Variants in ZDHHC5 observed in about 807,000 individuals in gnomAD.
ZDHHC5 encodes palmitoyltransferase ZDHHC5.
In ZDHHC5, 22 loss-of-function variants were observed where a neutral mutation model predicts 70.0. The observed-to-expected ratio is 0.31, with a 90% confidence interval of 0.22 to 0.45. The LOEUF (loss-of-function observed/expected upper bound fraction) is 0.45. Ranked by LOEUF, ZDHHC5 falls within the 20% of genes least tolerant of loss-of-function variation. The pLI is 1.00. For missense variants in ZDHHC5, 746 were observed against 926.9 expected (o/e 0.80, Z 2.53); for synonymous variants, 313 against 347.8 (o/e 0.90, Z 1.11).
chr11:57,691,440 G>A (rs573764429), intron 6 of ZDHHC5, among the ~76,000 whole-genome samples: 2 of 151,942 alleles, frequency 1.3e-5, no homozygotes, highest in South Asian at 2.1e-4. Flanking sequence ...CTCGTGATCC[G>A]CCCACCTCGG....
At chr11:57,699,723 G>C (rs1946414864) in intron 11 of ZDHHC5, 143 bp from the exon 12 acceptor site, 2 of 1,141,876 alleles carry the variant, frequency 1.8e-6, no homozygotes, top group Non-Finnish European at 2.5e-6. Flanking sequence ...ATTTTAAGCA[G>C]GGCAATAAAG....
intron 7 of ZDHHC5, among the ~76,000 whole-genome samples, chr11:57,693,244 T>C (rs1590869094): frequency 6.6e-6 from 1 of 152,036 alleles, no homozygotes; most frequent in South Asian, 2.1e-4. Context: ...GAGGCAGAGG[T>C]TGCAGTGAGC....
In ZDHHC5 at chr11:57,682,514, C is replaced by T. The variant is rs1296630954; in HGVS notation, c.197C>T (p.Thr66Ile). The change falls in exon 3 of 12, where the codon ACC becomes ATC. Residue 66 changes from threonine (T) to isoleucine (I), a missense_variant. Physicochemically the swap from Thr to Ile is moderately conservative, Grantham distance 89. Transcript: ENST00000287169. ...LFVLANFSMA[T>I]FMDPGIFPRA... ...GTGTTGGCCAACTTCAGCATGGCCA[C>T]CTTCATGGACCCAGGGATTTTCCCT... is the stretch of plus-strand genomic sequence containing the variant. 1 of 1,614,124 alleles carries T rather than the reference C, an allele frequency of 6.2e-7. No homozygotes were observed. Among genetic ancestry groups the T allele is most frequent in the Non-Finnish European group, 8.5e-7 (1 of 1,180,016 alleles).
intron 3 of ZDHHC5, among the ~76,000 whole-genome samples, chr11:57,684,458 G>A (rs1258041051): frequency 1.4e-4 from 22 of 152,192 alleles, no homozygotes; most frequent in Non-Finnish European, 3.2e-4. Context: ...GGTGGCACAT[G>A]CCTGTAATCC....
Position 57,696,960 on chromosome 11 carries a change from C to A in ZDHHC5, c.1122+87C>A, listed in dbSNP as rs546046434. The stretch of plus-strand genomic sequence containing the variant: ...TCCTGTAATCCCAGCACTTTGGGAG[C>A]CCAAGGTGGGTGGATCACAAGGTCA... On this transcript the variant is annotated intron_variant, in intron 10 of 11. Transcript: ENST00000287169. 6.2e-5 allele frequency: 84 copies of A among 1,346,440 alleles called. No homozygotes were observed. In the African/African-American group the frequency reaches 1.1e-3, roughly 17 times the overall value. 83.4% of individuals were successfully genotyped at this position (1,346,440 alleles called of 1,614,324 possible).
intron 2 of ZDHHC5, chr11:57,681,463 C>G (rs1395327038): frequency 1.3e-5 from 2 of 152,166 alleles, no homozygotes; most frequent in Non-Finnish European, 2.9e-5. Context: ...GTGGGAACTT[C>G]TCCCTGAGCT....
chr11:57,680,318 A>G (rs1946133580), intron 2 of ZDHHC5, among the ~76,000 whole-genome samples: 1 of 152,206 alleles, frequency 6.6e-6, no homozygotes, highest in Admixed American at 6.5e-5. Flanking sequence ...TTGAGGCTGC[A>G]GTGAGCTGTG....
intron 3 of ZDHHC5, among the ~76,000 whole-genome samples, chr11:57,686,918 C>T (rs1205052616): frequency 6.6e-6 from 1 of 151,332 alleles, no homozygotes; most frequent in Admixed American, 6.6e-5. Flanking sequence ...GCAACCTCTG[C>T]CTCCCAGATT....
chr11:57,698,611 G>T lies in ZDHHC5; in HGVS notation c.1175G>T (p.Arg392Leu), dbSNP rs149239636. The part of the protein sequence containing the change: ...KEPTSIAESS[R>L]HPSYRSEPSL... ...CCAACCTCAATTGCAGAGAGCAGCC[G>T]TCACCCCAGCTACCGCTCAGAGCCC... Residue 392 changes from arginine to leucine, a missense_variant, in exon 11 of 12, where the codon CGT becomes CTT. Coordinates refer to ENST00000287169, the MANE Select transcript of ZDHHC5 (RefSeq NM_015457.3). 114 of 1,613,716 alleles carry T rather than the reference G, an allele frequency of 7.1e-5. No individual in the cohort carries two copies. The highest frequency in any genetic ancestry group is 9.0e-5 in the Non-Finnish European group (106 of 1,179,854).
Position 57,672,157 on chromosome 11 carries a change from T to A in ZDHHC5, c.-934T>A, listed in dbSNP as rs889437645. 5.0e-6 allele frequency: 2 copies of A among 398,210 alleles called. No individual in the cohort carries two copies. Among genetic ancestry groups the A allele is most frequent in the African/African-American group, 4.1e-5 (2 of 48,638 alleles). The allele number at this position is 398,210 out of a possible 1,614,324, so 24.7% of individuals were successfully genotyped here. On this transcript the variant is annotated 5_prime_UTR_variant, in exon 2 of 12. Transcript: ENST00000287169. ...TCCACAGTAAACTTTTGAAGTGTCA[T>A]CAATTGGAATTGATTTCTTCATCTT... is the stretch of plus-strand genomic sequence containing the variant.
chr11:57,682,397 C>T (rs757016461), intron 2 of ZDHHC5, 25 bp from the exon 3 acceptor site: 6 of 1,592,978 alleles, frequency 3.8e-6, no homozygotes, highest in Non-Finnish European at 3.4e-6. Flanking sequence ...GAGGCAACCC[C>T]TCATTTTCTT....
chr11:57,688,781 C>T, intron 4 of ZDHHC5, 116 bp downstream of exon 4: 1 of 1,147,174 alleles, frequency 8.7e-7, no homozygotes, highest in South Asian at 2.2e-5. Context: ...ACGTTGGCCA[C>T]ATGGTCCAGC....
intron 6 of ZDHHC5, among the ~76,000 whole-genome samples, chr11:57,691,685 C>G (rs562163592): frequency 6.6e-6 from 1 of 151,784 alleles, no homozygotes; most frequent in Non-Finnish European, 1.5e-5. Flanking sequence ...TAATAGTATT[C>G]TTTCTTTAGT....
Position 57,672,066 on chromosome 11 carries a change from G to A in ZDHHC5, c.-1025G>A, listed in dbSNP as rs538926717. On this transcript the variant is annotated 5_prime_UTR_variant, in exon 2 of 12. Transcript: ENST00000287169. Reference sequence around the variant, plus strand: ...TGAACTCTGCATCTGGAAAGCTGAAGACTGAAGAAAGATAAGAGACATTGA... The same window carrying A: ...TGAACTCTGCATCTGGAAAGCTGAAAACTGAAGAAAGATAAGAGACATTGA... The A allele has an allele frequency of 6.6e-5, 26 of 392,418 alleles. No individual in the cohort carries two copies. Among genetic ancestry groups the A allele is most frequent in the African/African-American group, 3.3e-4 (16 of 48,650 alleles). 24.3% of individuals were successfully genotyped at this position (392,418 alleles called of 1,614,324 possible). A position where few individuals can be genotyped will look rare whatever the true frequency, so the allele number is the denominator to read the frequency against.
chr11:57,688,295 C>T (rs1015184121), intron 3 of ZDHHC5, among the ~76,000 whole-genome samples: 4 of 152,204 alleles, frequency 2.6e-5, no homozygotes, highest in African/African-American at 9.6e-5. Context: ...TCGAACCTCA[C>T]TTCCCAATGC....
chr11:57,668,500 C>T (rs1945955112), intron 1 of ZDHHC5: 1 of 152,644 alleles, frequency 6.6e-6, no homozygotes, highest in East Asian at 1.9e-4. Context: ...CCCTCGGGCT[C>T]TGCGGTCCCC....
chr11:57,695,652 G>A (rs1177230785), intron 8 of ZDHHC5, among the ~76,000 whole-genome samples: 1 of 151,970 alleles, frequency 6.6e-6, no homozygotes, highest in African/African-American at 2.4e-5. Flanking sequence ...AATTAACTGG[G>A]TGTGGTGGCA....
Position 57,692,600 on chromosome 11 carries a change from T to TC in ZDHHC5, c.661-10dup. On this transcript the variant is annotated splice_polypyrimidine_tract_variant and intron_variant, in intron 6 of 11. Coordinates refer to ENST00000287169, the MANE Select transcript of ZDHHC5 (RefSeq NM_015457.3). Reference sequence around the variant, plus strand: ...TCATCTTCTAACCTGGTATTTTTTTTCTCCCTCTAGGTTACGGGTAAATTC... The same window carrying TC: ...TCATCTTCTAACCTGGTATTTTTTTTCCTCCCTCTAGGTTACGGGTAAATTC... 2 of 1,612,912 alleles carry TC rather than the reference T, an allele frequency of 1.2e-6. No homozygotes were observed. Among genetic ancestry groups the TC allele is most frequent in the South Asian group, 1.1e-5 (1 of 90,828 alleles).
chr11:57,669,664 G>A (rs906015302), intron 1 of ZDHHC5, among the ~76,000 whole-genome samples: 6 of 152,116 alleles, frequency 3.9e-5, no homozygotes, highest in Non-Finnish European at 5.9e-5. Context: ...TTGGTATGTT[G>A]GCCAGGCTGG....
Sources: gnomAD v4.1 joint callset for allele counts (sites outside exome capture counted in the v4.1 genomes callset) on GRCh38, gnomAD v4.1.1 for gene constraint, MANE v1.5 for transcripts, NCBI Gene and HGNC (gene_info 2026-07-23, HGNC 2026-07-21) for gene names.